ESRRG: variants seen among roughly 807,000 people sequenced by gnomAD.
ESRRG encodes estrogen related receptor gamma.
A neutral mutation model predicts 44.0 loss-of-function variants in ESRRG; 13 were observed. That is an observed-to-expected ratio of 0.30 (90% CI 0.19 to 0.47). The LOEUF is 0.47. Ranked by LOEUF, ESRRG falls within the 20% of genes least tolerant of loss-of-function variation. The probability of loss-of-function intolerance (pLI) is 1.00; values close to 1 mark genes in which losing one functional copy is unlikely to be tolerated. For missense variants in ESRRG, 395 were observed against 580.6 expected, an observed-to-expected ratio of 0.68 and a Z score of 3.29; for synonymous variants, 215 against 214.6, an observed-to-expected ratio of 1.00 and a Z score of -0.02.
intron 2 of ESRRG, among the ~76,000 whole-genome samples, chr1:216,728,941 C>T (rs756877542): frequency 9.2e-5 from 14 of 152,154 alleles, no homozygotes; most frequent in Non-Finnish European, 1.8e-4. Flanking sequence ...CTCCTTCCCC[C>T]AACCAAGGCA....
chr1:216,634,402 ATT>A (rs5780900), intron 3 of ESRRG, among the ~76,000 whole-genome samples: 4 of 149,218 alleles, frequency 2.7e-5, no homozygotes, highest in Admixed American at 6.7e-5. Context: ...GTGGGCTTTT[ATT>A]TTTTTTTTTC....
At chr1:217,020,767 C>T (rs1028428823) in intron 1 of ESRRG, among the ~76,000 whole-genome samples, 5 of 152,130 alleles carry the variant, frequency 3.3e-5, no homozygotes, top group African/African-American at 1.2e-4. Flanking sequence ...ATGCTGGTGA[C>T]TCGGTCATGG....
intron 2 of ESRRG, among the ~76,000 whole-genome samples, chr1:216,854,353 C>CAAAAAAAAAAAAAAAAAAAAAAAAAA (rs57421256): frequency 1.5e-5 from 1 of 67,100 alleles, no homozygotes; most frequent in Non-Finnish European, 2.6e-5. Flanking sequence ...AAGACACCAT[C>CAAAAAAAAAAAAAAAAAAAAAAAAAA]AAAAAAAAAA....
At chr1:217,128,263 C>T (rs778930083) in intron 1 of ESRRG, among the ~76,000 whole-genome samples, 11 of 152,198 alleles carry the variant, frequency 7.2e-5, no homozygotes, top group South Asian at 2.1e-4. Context: ...AAATTAATTA[C>T]CTAAAAGCAA....
chr1:216,962,626 C>T (rs1161441128), intron 1 of ESRRG, among the ~76,000 whole-genome samples: 1 of 151,794 alleles, frequency 6.6e-6, no homozygotes, highest in South Asian at 2.1e-4. Context: ...ATAAAATTCA[C>T]TGCTAGGCTA....
intron 2 of ESRRG, among the ~76,000 whole-genome samples, chr1:216,671,333 T>C (rs1198044493): frequency 6.6e-6 from 1 of 152,172 alleles, no homozygotes; most frequent in Non-Finnish European, 1.5e-5. Flanking sequence ...TCCAATCATA[T>C]AAAGGCACCA....
chr1:216,679,622 ATTT>A (rs1329064529), intron 1 of ESRRG, among the ~76,000 whole-genome samples: 1 of 98,910 alleles, frequency 1.0e-5, no homozygotes, highest in Non-Finnish European at 2.5e-5. Flanking sequence ...TTAATTTGGA[ATTT>A]TTTTTTTCTT....
At chr1:216,677,896 G>C (rs2076378886) in intron 1 of ESRRG, among the ~76,000 whole-genome samples, 2 of 152,200 alleles carry the variant, frequency 1.3e-5, no homozygotes, top group South Asian at 4.1e-4. Context: ...GTGGTGATTT[G>C]CAAAGTCTAT....
At chr1:216,740,738 G>A (rs138771114) in intron 2 of ESRRG, among the ~76,000 whole-genome samples, 3 of 152,008 alleles carry the variant, frequency 2.0e-5, no homozygotes, top group African/African-American at 7.2e-5. Flanking sequence ...CACCGACAGA[G>A]GAACTAAAAA....
chr1:216,570,510 C>T (rs2060588884), intron 3 of ESRRG, among the ~76,000 whole-genome samples: 1 of 152,012 alleles, frequency 6.6e-6, no homozygotes, highest in Non-Finnish European at 1.5e-5. Flanking sequence ...AAATTTTCTT[C>T]AGAATAGTTT....
intron 1 of ESRRG, among the ~76,000 whole-genome samples, chr1:216,952,181 G>T (rs1203669764): frequency 1.3e-5 from 2 of 152,072 alleles, no homozygotes; most frequent in African/African-American, 4.8e-5. Flanking sequence ...TTCAAATGCT[G>T]ATTTGGGGCT....
intron 3 of ESRRG, among the ~76,000 whole-genome samples, chr1:216,640,841 G>A (rs80117607): frequency 3.3e-5 from 5 of 152,150 alleles, no homozygotes; most frequent in Non-Finnish European, 7.3e-5. Context: ...ACAAAAATCT[G>A]TTGTTTGAAG....
intron 2 of ESRRG, among the ~76,000 whole-genome samples, chr1:216,760,260 T>TA (rs200717004): frequency 9.3e-6 from 1 of 107,748 alleles, no homozygotes; most frequent in South Asian, 3.5e-4. Context: ...TCATAACCAA[T>TA]AAAAAAATCT....
At chr1:216,835,752 T>A (rs2095555249) in intron 2 of ESRRG, among the ~76,000 whole-genome samples, 1 of 152,090 alleles carries the variant, frequency 6.6e-6, no homozygotes, top group Non-Finnish European at 1.5e-5. Context: ...TTAAAAGAAT[T>A]ACAGGCTACC....
intron 1 of ESRRG, among the ~76,000 whole-genome samples, chr1:217,113,541 A>G (rs532966184): frequency 7.7e-4 from 118 of 152,334 alleles, no homozygotes; most frequent in African/African-American, 2.7e-3. Context: ...TTTAGATGAC[A>G]AAATCCTGAA....
At chr1:216,758,478 G>T (rs1245162432) in intron 2 of ESRRG, among the ~76,000 whole-genome samples, 1 of 152,012 alleles carries the variant, frequency 6.6e-6, no homozygotes, top group Non-Finnish European at 1.5e-5. Context: ...TCAGTTCAGA[G>T]CAGGGATTTC....
chr1:216,788,348 C>A (rs2094200965), intron 2 of ESRRG, among the ~76,000 whole-genome samples: 1 of 152,102 alleles, frequency 6.6e-6, no homozygotes, highest in Non-Finnish European at 1.5e-5. Context: ...ATGTACCTTT[C>A]TGAAAATCCT....
At chr1:216,611,391 T>G (rs142794000) in intron 3 of ESRRG, among the ~76,000 whole-genome samples, 2 of 152,248 alleles carry the variant, frequency 1.3e-5, no homozygotes, top group African/African-American at 4.8e-5. Flanking sequence ...ATACCAGATC[T>G]TAGCAGGGAG....
intron 2 of ESRRG, among the ~76,000 whole-genome samples, chr1:216,668,889 TG>T (rs2074551773): frequency 6.6e-6 from 1 of 152,150 alleles, no homozygotes; most frequent in South Asian, 2.1e-4. Flanking sequence ...TGATAGAGAT[TG>T]GGTTTCAATT....
Sources: allele counts gnomAD v4.1 joint callset (sites outside exome capture counted in the v4.1 genomes callset), GRCh38; gene constraint gnomAD v4.1.1; transcripts MANE v1.5; gene names NCBI Gene and HGNC (gene_info 2026-07-23, HGNC 2026-07-21).